Variants in PALM2AKAP2 observed in about 807,000 individuals in gnomAD.
The protein encoded by PALM2AKAP2 is PALM2-AKAP2 fusion protein.
In PALM2AKAP2, 37 loss-of-function variants were observed where a neutral mutation model predicts 71.5. The ratio of observed to expected loss-of-function variants is 0.52; its 90% CI spans 0.40 to 0.68. The LOEUF is 0.68. Ranked by LOEUF, PALM2AKAP2 falls within the 30% of genes least tolerant of loss-of-function variation. The probability of loss-of-function intolerance (pLI) is 0.00; values close to 1 mark genes in which losing one functional copy is unlikely to be tolerated. For missense variants in PALM2AKAP2, 1,224 were observed against 1,191.8 expected (o/e 1.03, Z -0.40); for synonymous variants, 468 against 478.8 (o/e 0.98, Z 0.29).
chr9:110,067,170 T>TG (rs1317394110), intron 1 of PALM2AKAP2, among the ~76,000 whole-genome samples: 1 of 152,156 alleles, frequency 6.6e-6, no homozygotes, highest in East Asian at 1.9e-4. Flanking sequence ...GAGAGTAGGA[T>TG]GCCAGGTTAC....
intron 6 of PALM2AKAP2, among the ~76,000 whole-genome samples, chr9:109,969,770 A>T (rs1048115974): frequency 1.3e-5 from 2 of 151,892 alleles, no homozygotes; most frequent in Non-Finnish European, 2.9e-5. Context: ...ACAGTGTAGC[A>T]CTCCCACATC....
intron 1 of PALM2AKAP2, among the ~76,000 whole-genome samples, chr9:109,710,976 T>C (rs1042998941): frequency 6.6e-6 from 1 of 152,218 alleles, no homozygotes; most frequent in Non-Finnish European, 1.5e-5. Flanking sequence ...TGCATGTTTA[T>C]TCTGTTTGTA....
At chr9:109,900,416 C>T (rs1830301917) in intron 3 of PALM2AKAP2, among the ~76,000 whole-genome samples, 6 of 152,220 alleles carry the variant, frequency 3.9e-5, no homozygotes, top group Admixed American at 3.9e-4. Flanking sequence ...CTTGCTCTTA[C>T]AGATCTGACA....
chr9:109,817,479 T>C (rs1019887930), intron 1 of PALM2AKAP2, among the ~76,000 whole-genome samples: 1 of 152,192 alleles, frequency 6.6e-6, no homozygotes, highest in Admixed American at 6.5e-5. Context: ...ATTCCTCAGA[T>C]TTTTTTGATC....
At chr9:109,984,479 G>C (rs894008049) in intron 6 of PALM2AKAP2, among the ~76,000 whole-genome samples, 2 of 151,440 alleles carry the variant, frequency 1.3e-5, no homozygotes, top group Non-Finnish European at 2.9e-5. Context: ...GTAACAAAGC[G>C]AGACTAGATT....
chr9:110,036,461 G>T (rs1429442048), intron 7 of PALM2AKAP2, among the ~76,000 whole-genome samples: 1 of 152,050 alleles, frequency 6.6e-6, no homozygotes, highest in East Asian at 1.9e-4. Context: ...TTTCACCATT[G>T]ATGTCACCAC....
At chr9:109,701,926 C>T (rs1382880399) in intron 1 of PALM2AKAP2, among the ~76,000 whole-genome samples, 3 of 151,898 alleles carry the variant, frequency 2.0e-5, no homozygotes, top group Admixed American at 6.6e-5. Flanking sequence ...AAAAAGTGGG[C>T]AAAGGATATG....
At chr9:110,093,222 T>C (rs542443051) in intron 1 of PALM2AKAP2, among the ~76,000 whole-genome samples, 133 of 151,130 alleles carry the variant, frequency 8.8e-4, no homozygotes, top group African/African-American at 3.1e-3. Context: ...AGCAAAAGTT[T>C]CAGAATTGAT....
At chr9:109,800,417 A>T (rs914876309) in intron 1 of PALM2AKAP2, among the ~76,000 whole-genome samples, 2 of 152,208 alleles carry the variant, frequency 1.3e-5, no homozygotes, top group Non-Finnish European at 2.9e-5. Context: ...AGGAGGTTTA[A>T]CGTTAGCCCA....
At chr9:109,812,693 T>G (rs1827756189) in intron 1 of PALM2AKAP2, among the ~76,000 whole-genome samples, 1 of 152,190 alleles carries the variant, frequency 6.6e-6, no homozygotes, top group Non-Finnish European at 1.5e-5. Flanking sequence ...AAACCACAGG[T>G]CCTTCTCTTG....
At chr9:109,722,526 C>A (rs969160089) in intron 1 of PALM2AKAP2, among the ~76,000 whole-genome samples, 1 of 152,158 alleles carries the variant, frequency 6.6e-6, no homozygotes, top group Non-Finnish European at 1.5e-5. Flanking sequence ...AATCTCAACA[C>A]TTTGGTAGGC....
At chr9:109,776,654 G>C (rs535997910), upstream of PALM2AKAP2, among the ~76,000 whole-genome samples, 3 of 152,316 alleles carry the variant, frequency 2.0e-5, no homozygotes, top group East Asian at 5.8e-4. Flanking sequence ...ATGTGGCTCT[G>C]CCTCTCACTA....
At chr9:109,776,566 C>T (rs953046505), upstream of PALM2AKAP2, among the ~76,000 whole-genome samples, 3 of 152,222 alleles carry the variant, frequency 2.0e-5, no homozygotes, top group African/African-American at 7.2e-5. Flanking sequence ...CCTGACTGAG[C>T]CGAGATTGCC....
At chr9:109,742,251 TCACACACACACACA>T (rs72323941) in intron 1 of PALM2AKAP2, among the ~76,000 whole-genome samples, 37,301 of 145,276 alleles carry the variant, frequency 0.26, 5,206 homozygotes, top group African/African-American at 0.37. Flanking sequence ...TGTGATGTAT[TCACACACACACACA>T]CACACACACA....
At chr9:110,111,306 T>TG (rs1835247189) in intron 1 of PALM2AKAP2, among the ~76,000 whole-genome samples, 2 of 152,080 alleles carry the variant, frequency 1.3e-5, no homozygotes, top group African/African-American at 4.8e-5. Context: ...TTGCCTAGGC[T>TG]GGTCTTGAGC....
At chr9:109,964,128 A>C (rs1831900298) in intron 6 of PALM2AKAP2, among the ~76,000 whole-genome samples, 1 of 152,258 alleles carries the variant, frequency 6.6e-6, no homozygotes, top group South Asian at 2.1e-4. Flanking sequence ...ATTTGATTTC[A>C]GATATTGAGA....
chr9:110,003,292 C>T (rs1832716701), intron 6 of PALM2AKAP2, among the ~76,000 whole-genome samples: 1 of 152,090 alleles, frequency 6.6e-6, no homozygotes, highest in South Asian at 2.1e-4. Flanking sequence ...GTTATGTACC[C>T]AGTAGTCATT....
exon 2 of PALM2AKAP2, chr9:110,138,408 A>G: frequency 6.2e-7 from 1 of 1,614,214 alleles, no homozygotes; most frequent in Non-Finnish European, 8.5e-7. Flanking sequence ...ATGATTGAGG[A>G]AGAGATCCGA....
chr9:109,971,648 A>G (rs1406789576), intron 6 of PALM2AKAP2, among the ~76,000 whole-genome samples: 2 of 151,962 alleles, frequency 1.3e-5, no homozygotes, highest in Admixed American at 6.5e-5. Flanking sequence ...CTGATCTCGA[A>G]CTCCTTACCT....
Sources: allele counts gnomAD v4.1 joint callset (sites outside exome capture counted in the v4.1 genomes callset), GRCh38; gene constraint gnomAD v4.1.1; transcripts MANE v1.5; gene names NCBI Gene and HGNC (gene_info 2026-07-23, HGNC 2026-07-21).